The following TNRC6B variants were observed in gnomAD, a reference collection of about 807,000 sequenced individuals.
The protein encoded by TNRC6B is trinucleotide repeat containing adaptor 6B.
TNRC6B carries 52 observed loss-of-function variants against 203.6 expected under a neutral mutation model. That is an observed-to-expected ratio of 0.26 (90% CI 0.20 to 0.32). TNRC6B has a LOEUF of 0.32. TNRC6B is among the 10% of genes least tolerant of loss of function. The pLI is 1.00. For missense variants in TNRC6B, 1,923 were observed against 2,286.2 expected, an observed-to-expected ratio of 0.84 and a Z score of 3.24; for synonymous variants, 838 against 845.7, an observed-to-expected ratio of 0.99 and a Z score of 0.16.
At chr22:40,080,825 T>A (rs552468305) in intron 1 of TNRC6B, among the ~76,000 whole-genome samples, 2 of 149,926 alleles carry the variant, frequency 1.3e-5, no homozygotes, top group South Asian at 4.2e-4. Context: ...TGTATAACTT[T>A]CTTTCTTTTT....
rs1259124459 is a variant in TNRC6B, at chr22:40,327,575, T to C, written c.*4334T>C. On this transcript the variant is annotated 3_prime_UTR_variant, in exon 23 of 23. Coordinates refer to ENST00000454349, the MANE Select transcript of TNRC6B (RefSeq NM_001162501.2). Reference sequence around the variant, plus strand: ...CCCCCAGACCTCCCCCTTCTTTTTGTCAACTTGCTGGGAGCTTTGCTTTAT... The same window carrying C: ...CCCCCAGACCTCCCCCTTCTTTTTGCCAACTTGCTGGGAGCTTTGCTTTAT... 6.5e-6 allele frequency: 1 copy of C among 152,688 alleles called. No individual in the cohort carries two copies. The highest frequency in any genetic ancestry group is 1.5e-5 in the Non-Finnish European group (1 of 68,448). The allele number at this position is 152,688 out of a possible 1,614,324, so 9.5% of individuals were successfully genotyped here.
chr22:40,106,778 C>G, intron 1 of TNRC6B: 1 of 871,860 alleles, frequency 1.1e-6, no homozygotes, highest in South Asian at 1.3e-5. Flanking sequence ...ATTGATACCT[C>G]TGATCCTGAT....
chr22:40,243,378 A>C (rs2070059057), intron 1 of TNRC6B, among the ~76,000 whole-genome samples: 1 of 152,238 alleles, frequency 6.6e-6, no homozygotes, highest in Admixed American at 6.5e-5. Flanking sequence ...ACCAAAACAA[A>C]ACAAAACAAA....
At chr22:40,316,352 TCAAAAAAAAAAA>T (rs1346346548) in intron 21 of TNRC6B, among the ~76,000 whole-genome samples, 1 of 132,844 alleles carries the variant, frequency 7.5e-6, no homozygotes, top group Admixed American at 8.0e-5. Flanking sequence ...AGACTCCATC[TCAAAAAAAAAAA>T]CAAAAAAAAA....
chr22:40,305,611 C>A (rs1432546774), intron 15 of TNRC6B, among the ~76,000 whole-genome samples: 3 of 152,134 alleles, frequency 2.0e-5, no homozygotes, highest in Non-Finnish European at 2.9e-5. Flanking sequence ...AAATTATGTC[C>A]GTCTTCGCCT....
At chr22:40,148,916 ACCAACCCTG>A (rs956901075) in intron 3 of TNRC6B, among the ~76,000 whole-genome samples, 6 of 152,150 alleles carry the variant, frequency 3.9e-5, no homozygotes, top group African/African-American at 1.4e-4. Flanking sequence ...CTCAGAGGGA[ACCAACCCTG>A]CCAATACCTT....
intron 11 of TNRC6B, among the ~76,000 whole-genome samples, chr22:40,283,295 C>A (rs1334975124): frequency 1.3e-5 from 2 of 152,188 alleles, no homozygotes; most frequent in Non-Finnish European, 2.9e-5. Flanking sequence ...GCCTTGGCCT[C>A]CCAAAGTGCT....
chr22:40,247,280 G>C (rs1234239089), intron 2 of TNRC6B, among the ~76,000 whole-genome samples: 1 of 152,186 alleles, frequency 6.6e-6, no homozygotes, highest in East Asian at 1.9e-4. Flanking sequence ...CCTGGTGCTA[G>C]TTAATTGAAG....
chr22:40,050,592 T>C (rs2067736265), intron 1 of TNRC6B, among the ~76,000 whole-genome samples: 1 of 152,132 alleles, frequency 6.6e-6, no homozygotes, highest in African/African-American at 2.4e-5. Context: ...CTCGTCCCAC[T>C]ACCCCCATCC....
chr22:40,261,595 AAAATAAATAAAT>A (rs758337181), intron 3 of TNRC6B, among the ~76,000 whole-genome samples: 1 of 151,712 alleles, frequency 6.6e-6, no homozygotes, highest in Non-Finnish European at 1.5e-5. Flanking sequence ...CTCCGTCTCA[AAAATAAATAAAT>A]AAATAAATAA....
At chr22:40,300,797 C>G (rs953516207) in intron 13 of TNRC6B, 113 bp from the exon 14 acceptor site, 2 of 1,239,252 alleles carry the variant, frequency 1.6e-6, no homozygotes, top group African/African-American at 3.0e-5. Context: ...TTACTTCCCT[C>G]CTGGATACTT....
intron 12 of TNRC6B, among the ~76,000 whole-genome samples, chr22:40,289,187 G>A (rs1479285807): frequency 6.6e-6 from 1 of 152,062 alleles, no homozygotes; most frequent in African/African-American, 2.4e-5. Flanking sequence ...GGAGGCTGAG[G>A]TGGGAGGATA....
intron 3 of TNRC6B, among the ~76,000 whole-genome samples, chr22:40,151,174 G>A (rs1000505079): frequency 1.3e-5 from 2 of 151,270 alleles, no homozygotes; most frequent in Non-Finnish European, 2.9e-5. Flanking sequence ...AGGAGGCTGA[G>A]GCATGAGAAT....
intron 1 of TNRC6B, among the ~76,000 whole-genome samples, chr22:40,223,451 TGTTTC>T (rs66484720): frequency 0.32 from 48,441 of 151,824 alleles, 9,422 homozygotes; most frequent in East Asian, 0.56. Flanking sequence ...TTTTTTGTTT[TGTTTC>T]AAGGAATCTC....
intron 1 of TNRC6B, among the ~76,000 whole-genome samples, chr22:40,181,905 C>T (rs2069135030): frequency 6.8e-6 from 1 of 147,632 alleles, no homozygotes; most frequent in South Asian, 2.1e-4. Context: ...AAGATCGTGC[C>T]ACTGCATTCC....
intron 1 of TNRC6B, among the ~76,000 whole-genome samples, chr22:40,204,793 T>C (rs1190320117): frequency 2.0e-5 from 3 of 152,220 alleles, no homozygotes; most frequent in Non-Finnish European, 4.4e-5. Context: ...GCTGCTGCTT[T>C]TTCTATTTTT....
intron 3 of TNRC6B, among the ~76,000 whole-genome samples, chr22:40,133,615 G>A (rs1045064683): frequency 6.6e-6 from 1 of 152,140 alleles, no homozygotes; most frequent in South Asian, 2.1e-4. Context: ...TTATTGGTTT[G>A]TTGTTGAATG....
intron 12 of TNRC6B, among the ~76,000 whole-genome samples, chr22:40,286,191 G>T (rs773415714): frequency 1.3e-5 from 2 of 152,240 alleles, no homozygotes; most frequent in Non-Finnish European, 2.9e-5. Flanking sequence ...AGAGAATTCA[G>T]CCTGGCACAG....
intron 1 of TNRC6B, among the ~76,000 whole-genome samples, chr22:40,229,343 C>T (rs1055737977): frequency 1.3e-5 from 2 of 152,150 alleles, no homozygotes; most frequent in African/African-American, 4.8e-5. Context: ...TGTGCACACC[C>T]AGGGTGAAAT....
Sources: allele counts gnomAD v4.1 joint callset (sites outside exome capture counted in the v4.1 genomes callset), GRCh38; gene constraint gnomAD v4.1.1; transcripts MANE v1.5; gene names NCBI Gene and HGNC (gene_info 2026-07-23, HGNC 2026-07-21).